The following CPLX1 variants were observed in gnomAD, a reference collection of about 807,000 sequenced individuals.
CPLX1 encodes complexin-1.
Under a neutral mutation model 15.6 loss-of-function variants are expected in CPLX1, and 6 were observed. That is an observed-to-expected ratio of 0.39 (90% CI 0.21 to 0.76). The LOEUF is 0.76. CPLX1 is among the 30% of genes least tolerant of loss of function. CPLX1 has a pLI of 0.43. For synonymous variants in CPLX1, 91 were observed against 75.2 expected (o/e 1.21, Z -1.08); for missense variants, 242 against 188.6 (o/e 1.28, Z -1.66).
chr4:821,598 G>A (rs555033849), intron 2 of CPLX1, among the ~76,000 whole-genome samples: 2 of 152,338 alleles, frequency 1.3e-5, no homozygotes, highest in South Asian at 4.1e-4. Flanking sequence ...AGAGCTCCCA[G>A]GCCGTGTTTG....
intron 2 of CPLX1, chr4:804,952 C>T (rs751599777): frequency 7.1e-6 from 7 of 984,340 alleles, no homozygotes; most frequent in Non-Finnish European, 7.2e-6. Context: ...GTTCACCCGG[C>T]GTCCCACTCC....
intron 2 of CPLX1, among the ~76,000 whole-genome samples, chr4:808,430 G>A (rs140794075): frequency 6.4e-4 from 97 of 152,182 alleles, no homozygotes; most frequent in Non-Finnish European, 1.1e-3. Context: ...TCCCTGAAAC[G>A]CTCACGCTCC....
At chr4:808,805 C>T (rs867521090) in intron 2 of CPLX1, among the ~76,000 whole-genome samples, 2 of 152,120 alleles carry the variant, frequency 1.3e-5, no homozygotes, top group Non-Finnish European at 2.9e-5. Flanking sequence ...CTTTAAAACC[C>T]GTTGTAAAAA....
At chr4:798,272 C>CAAAAA (rs35668656) in intron 2 of CPLX1, among the ~76,000 whole-genome samples, 15 of 75,378 alleles carry the variant, frequency 2.0e-4, no homozygotes, top group Non-Finnish European at 3.3e-4. Context: ...GACTCCGTCT[C>CAAAAA]AAAAAAAAAA....
At chr4:817,066 A>G (rs756668767) in intron 2 of CPLX1, among the ~76,000 whole-genome samples, 18 of 152,208 alleles carry the variant, frequency 1.2e-4, no homozygotes, top group Non-Finnish European at 1.5e-4. Context: ...TAAAAAGGCA[A>G]CAACAAAGAT....
At chr4:822,147 T>C (rs11248046) in intron 2 of CPLX1, among the ~76,000 whole-genome samples, 1 of 97,390 alleles carries the variant, frequency 1.0e-5, no homozygotes, top group Admixed American at 1.0e-4. Context: ...TGTCTCTCCC[T>C]CTGTTTCTGA....
intron 2 of CPLX1, chr4:804,836 G>T (rs969700765): frequency 2.0e-5 from 20 of 985,340 alleles, no homozygotes; most frequent in Non-Finnish European, 2.2e-5. Context: ...CAAGCGTGGG[G>T]AGCGACGTGC....
intron 2 of CPLX1, among the ~76,000 whole-genome samples, chr4:804,568 G>C (rs531784494): frequency 6.6e-6 from 1 of 152,238 alleles, no homozygotes; most frequent in Admixed American, 6.5e-5. Context: ...TGGTGGGCAG[G>C]CTTAATATCA....
Position 805,566 on chromosome 4 carries a change from A to G in CPLX1, c.32-12958T>C, listed in dbSNP as rs185184862. Among the ~76,000 whole-genome samples the G allele has an allele frequency of 3.8e-3, 580 of 152,370 alleles. 1 individual carries two copies. The highest frequency in any genetic ancestry group is 6.4e-3 in the Non-Finnish European group (435 of 68,034). On this transcript the variant is annotated intron_variant, in intron 2 of 3. Transcript: ENST00000304062. ...GGCTGTTCCTCAAAAAATTAAACATAGAATTGCCATATGATCTAGCGATTC... is the reference window on the plus strand; with the variant it reads ...GGCTGTTCCTCAAAAAATTAAACATGGAATTGCCATATGATCTAGCGATTC...
At chr4:820,508 T>C (rs1746841080) in intron 2 of CPLX1, among the ~76,000 whole-genome samples, 1 of 152,122 alleles carries the variant, frequency 6.6e-6, no homozygotes, top group Non-Finnish European at 1.5e-5. Flanking sequence ...CAGGGCAGGA[T>C]TGCCCAGATC....
At chr4:797,857 G>A (rs1207702731) in intron 2 of CPLX1, among the ~76,000 whole-genome samples, 1 of 152,030 alleles carries the variant, frequency 6.6e-6, no homozygotes, top group Admixed American at 6.5e-5. Flanking sequence ...GTGAACCCGG[G>A]AGGCGGAGCT....
At chr4:822,656 C>T (rs1428421111) in intron 2 of CPLX1, among the ~76,000 whole-genome samples, 1 of 152,130 alleles carries the variant, frequency 6.6e-6, no homozygotes, top group Non-Finnish European at 1.5e-5. Context: ...TGGTCTGTTT[C>T]TCAATAGTTC....
At chr4:815,824 C>CG (rs1320459394) in intron 2 of CPLX1, among the ~76,000 whole-genome samples, 1 of 152,158 alleles carries the variant, frequency 6.6e-6, no homozygotes, top group Non-Finnish European at 1.5e-5. Flanking sequence ...CTTGTTACAA[C>CG]GGGTGGGGAA....
intron 2 of CPLX1, among the ~76,000 whole-genome samples, chr4:795,810 G>T (rs1260468717): frequency 6.6e-6 from 1 of 151,964 alleles, no homozygotes; most frequent in Admixed American, 6.5e-5. Flanking sequence ...GGGGGTGGGG[G>T]GGGGGTGCAG....
In CPLX1 at chr4:818,846, G is replaced by A. The variant is rs181556343; in HGVS notation, c.31+5646C>T. Reference sequence around the variant, plus strand: ...TCCGCAGGCAAGGACAGCAGTGCCCGCGGCCAAGGACGGTGCTGGACTGGA... The same window carrying A: ...TCCGCAGGCAAGGACAGCAGTGCCCACGGCCAAGGACGGTGCTGGACTGGA... On this transcript the variant is annotated intron_variant, in intron 2 of 3. Transcript: ENST00000304062. Among the ~76,000 whole-genome samples, 937 of 152,356 alleles carry A rather than the reference G, an allele frequency of 6.2e-3. 10 individuals are homozygous for A. The highest frequency in any genetic ancestry group is 7.0e-3 in the Non-Finnish European group (478 of 68,024).
At chr4:807,003 C>A (rs1479426428) in intron 2 of CPLX1, among the ~76,000 whole-genome samples, 1 of 152,174 alleles carries the variant, frequency 6.6e-6, no homozygotes, top group Admixed American at 6.5e-5. Flanking sequence ...ATAAATCATT[C>A]TATTTTAAGA....
At chr4:823,709 G>A (rs1435368404) in intron 2 of CPLX1, among the ~76,000 whole-genome samples, 2 of 152,228 alleles carry the variant, frequency 1.3e-5, no homozygotes, top group Non-Finnish European at 2.9e-5. Context: ...GGACACGTCT[G>A]TACCAGCATG....
At chr4:787,117 C>T in intron 3 of CPLX1, 1 of 985,436 alleles carries the variant, frequency 1.0e-6, no homozygotes, top group South Asian at 4.7e-5. Context: ...CCCTCCTGCC[C>T]AGTGCCTGGT....
rs531112599 is a variant in CPLX1, at chr4:785,575, G to A, written c.*926C>T. The A allele has an allele frequency of 1.4e-4, 21 of 151,320 alleles. No individual in the cohort carries two copies. Among genetic ancestry groups the A allele is most frequent in the African/African-American group, 4.8e-4 (20 of 41,396 alleles). The allele number at this position is 151,320 out of a possible 1,614,324, so 9.4% of individuals were successfully genotyped here. On this transcript the variant is annotated 3_prime_UTR_variant, in exon 4 of 4. Coordinates refer to ENST00000304062, the MANE Select transcript of CPLX1 (RefSeq NM_006651.4). Reference sequence around the variant, plus strand: ...AGGGGCTCGGATGCCGCCCCGCAGGGCCACCAGGTGGATTAGGCCACACAC... The same window carrying A: ...AGGGGCTCGGATGCCGCCCCGCAGGACCACCAGGTGGATTAGGCCACACAC...
Sources: allele counts gnomAD v4.1 joint callset (sites outside exome capture counted in the v4.1 genomes callset), GRCh38; gene constraint gnomAD v4.1.1; transcripts MANE v1.5; gene names NCBI Gene and HGNC (gene_info 2026-07-23, HGNC 2026-07-21).